Variants in YPEL1 observed in about 807,000 individuals in gnomAD.
YPEL1 encodes the protein protein yippee-like 1.
Under a neutral mutation model 17.3 loss-of-function variants are expected in YPEL1, and 7 were observed. That is an observed-to-expected ratio of 0.40 (90% CI 0.23 to 0.76). The LOEUF (loss-of-function observed/expected upper bound fraction) is 0.76, where lower values mean the gene tolerates loss of function less well. YPEL1 is among the 30% of genes least tolerant of loss of function. YPEL1 has a pLI of 0.35. For missense variants in YPEL1, 91 were observed against 155.5 expected (o/e 0.59, Z 2.21); for synonymous variants, 59 against 59.6 (o/e 0.99, Z 0.05).
chr22:21,700,989 C>T lies in YPEL1; in HGVS notation c.*140G>A, dbSNP rs532169227. 2.2e-5 allele frequency: 14 copies of T among 646,754 alleles called. No individual in the cohort carries two copies. The African/African-American group carries it at 2.2e-4, about 10-fold the overall frequency. 40.1% of individuals were successfully genotyped at this position (646,754 alleles called of 1,614,324 possible). A position where few individuals can be genotyped will look rare whatever the true frequency, so the allele number is the denominator to read the frequency against. On this transcript the variant is annotated 3_prime_UTR_variant, in exon 5 of 5. Coordinates refer to ENST00000339468, the MANE Select transcript of YPEL1 (RefSeq NM_013313.5). ...GGGACACCTTACCCACAGAGATGGC[C>T]GAGAGTGTCAAGAGCTATGCGCAGC...
Position 21,732,236 on chromosome 22 carries a change from A to G in YPEL1, c.-165+3379T>C, listed in dbSNP as rs138219002. ...AATCTATCTCGCACTGCTTGCTCCA[A>G]AAACCCTTAGCCCTCTATGTCTTGG... is the stretch of plus-strand genomic sequence containing the variant. On this transcript the variant is annotated intron_variant, in intron 1 of 4. Transcript: ENST00000339468. Among the ~76,000 whole-genome samples, 451 of 152,262 alleles carry G rather than the reference A, an allele frequency of 3.0e-3. 2 individuals are homozygous for G. The highest frequency in any genetic ancestry group is 0.011 in the African/African-American group (438 of 41,556).
chr22:21,726,102 G>A (rs1175787273), intron 1 of YPEL1, among the ~76,000 whole-genome samples: 1 of 152,184 alleles, frequency 6.6e-6, no homozygotes, highest in Non-Finnish European at 1.5e-5. Flanking sequence ...GCGGGCAGGG[G>A]CCGTGGGGTG....
intron 1 of YPEL1, among the ~76,000 whole-genome samples, chr22:21,719,967 G>A (rs1006464989): frequency 6.1e-5 from 9 of 147,722 alleles, no homozygotes; most frequent in Non-Finnish European, 1.2e-4. Flanking sequence ...AGCCAAGATC[G>A]CACCACTGCA....
chr22:21,707,551 T>C (rs2068126544), intron 2 of YPEL1, among the ~76,000 whole-genome samples: 1 of 152,222 alleles, frequency 6.6e-6, no homozygotes, highest in Non-Finnish European at 1.5e-5. Flanking sequence ...GCATTCAGGC[T>C]TAAAAATGAG....
chr22:21,725,862 G>A (rs1273741591), intron 1 of YPEL1, among the ~76,000 whole-genome samples: 3 of 151,840 alleles, frequency 2.0e-5, no homozygotes, highest in Admixed American at 6.6e-5. Context: ...AGCCGGGCAC[G>A]GTGGCACATG....
chr22:21,715,242 C>T (rs2068209598), intron 1 of YPEL1, among the ~76,000 whole-genome samples: 1 of 152,048 alleles, frequency 6.6e-6, no homozygotes, highest in South Asian at 2.1e-4. Context: ...CATCTGTAAT[C>T]CCAGCACTTT....
intron 1 of YPEL1, among the ~76,000 whole-genome samples, chr22:21,721,291 T>C (rs1383316802): frequency 6.6e-6 from 1 of 151,494 alleles, no homozygotes; most frequent in African/African-American, 2.4e-5. Flanking sequence ...TTTTTTTGTG[T>C]GTATTTTTAG....
intron 2 of YPEL1, among the ~76,000 whole-genome samples, chr22:21,704,869 C>A (rs1332293793): frequency 5.3e-5 from 8 of 152,164 alleles, no homozygotes; most frequent in Non-Finnish European, 8.8e-5. Context: ...GACCTTTGCC[C>A]TCACGGGACA....
rs552755973 is a variant in YPEL1 at position 21,699,283 on chromosome 22, T to G, written c.*1846A>C. On this transcript the variant is annotated 3_prime_UTR_variant, in exon 5 of 5. Transcript: ENST00000339468. ...TGTCTGAAGGCAGCTTCAGAGCCAC[T>G]TGCCAGGCTGAGAACTATCCGGGCT... 2 of 152,558 alleles carry G rather than the reference T, an allele frequency of 1.3e-5. No individual in the cohort carries two copies. The highest frequency in any genetic ancestry group is 3.8e-4 in the East Asian group (2 of 5,322). 9.5% of individuals were successfully genotyped at this position (152,558 alleles called of 1,614,324 possible).
At chr22:21,715,508 CAACA>C (rs370908004) in intron 1 of YPEL1, among the ~76,000 whole-genome samples, 49 of 150,934 alleles carry the variant, frequency 3.2e-4, no homozygotes, top group African/African-American at 5.6e-4. Context: ...AAAACAACAA[CAACA>C]AACAAACAAA....
At position 21,710,677 on chromosome 22, in the gene YPEL1, C is replaced by G; in HGVS notation, c.68G>C (p.Cys23Ser). Residue 23 changes from cysteine (C) to serine (S), a missense_variant, in exon 2 of 5, where the codon TGT becomes TCT. By Grantham distance (112) the Cys-to-Ser change is moderately radical. Coordinates refer to ENST00000339468, the MANE Select transcript of YPEL1 (RefSeq NM_013313.5). Reference protein sequence around the residue: ...YLPNCHRTYSCIHCRAHLANH... With the variant: ...YLPNCHRTYSSIHCRAHLANH... ...GGCCAGGTGTGCTCTGCAGTGGATA[C>G]AGCTGTACGTTCGGTGACAGTTCGG... 1 of 1,614,238 alleles carries G rather than the reference C, an allele frequency of 6.2e-7. No homozygotes were observed. The highest frequency in any genetic ancestry group is 1.1e-5 in the South Asian group (1 of 91,092).
chr22:21,725,021 C>T (rs533549251), intron 1 of YPEL1, among the ~76,000 whole-genome samples: 80 of 151,738 alleles, frequency 5.3e-4, no homozygotes, highest in Non-Finnish European at 8.5e-4. Context: ...GATTCTCCTG[C>T]CTCAGCCTCC....
intron 1 of YPEL1, among the ~76,000 whole-genome samples, chr22:21,713,233 C>G (rs1014666053): frequency 5.9e-5 from 9 of 152,152 alleles, no homozygotes; most frequent in Non-Finnish European, 1.3e-4. Context: ...TATAGAATTA[C>G]CATGGGCTCC....
At chr22:21,733,082 C>T (rs189911902) in intron 1 of YPEL1, among the ~76,000 whole-genome samples, 1 of 152,148 alleles carries the variant, frequency 6.6e-6, no homozygotes, top group Non-Finnish European at 1.5e-5. Context: ...TGCCACTGTA[C>T]CCCAGGCTTG....
intron 1 of YPEL1, among the ~76,000 whole-genome samples, chr22:21,716,894 G>T (rs962945002): frequency 1.3e-5 from 2 of 151,880 alleles, no homozygotes; most frequent in South Asian, 4.1e-4. Context: ...GGAGGGAACC[G>T]ATGAGCTTGA....
intron 1 of YPEL1, among the ~76,000 whole-genome samples, chr22:21,716,683 TC>T: frequency 6.6e-6 from 1 of 152,396 alleles, no homozygotes; most frequent in South Asian, 2.1e-4. Flanking sequence ...GGAGGAAGCA[TC>T]TTTATCCTAG....
chr22:21,703,549 GC>G lies in YPEL1; in HGVS notation c.162-72del. The G allele has an allele frequency of 1.4e-6, 2 of 1,399,336 alleles. No homozygotes were observed. Among genetic ancestry groups the G allele is most frequent in the Non-Finnish European group, 2.0e-6 (2 of 1,002,190 alleles). 86.7% of individuals were successfully genotyped at this position (1,399,336 alleles called of 1,614,324 possible). A position where few individuals can be genotyped will look rare whatever the true frequency, so the allele number is the denominator to read the frequency against. Reference sequence around the variant, plus strand: ...TGACCAGGCCCTGCCCCCTCAGCGGGCCCCACCCCATCCTCCTAAGAGTTCC... The same window carrying G: ...TGACCAGGCCCTGCCCCCTCAGCGGGCCCACCCCATCCTCCTAAGAGTTCC... On this transcript the variant is annotated intron_variant, in intron 3 of 4. Coordinates refer to ENST00000339468, the MANE Select transcript of YPEL1 (RefSeq NM_013313.5). The surrounding 1 kb of genome is among the most constrained non-coding windows in gnomAD (Gnocchi z 6.1).
chr22:21,734,225 GAAAC>G (rs980851650), intron 1 of YPEL1, among the ~76,000 whole-genome samples: 5 of 152,284 alleles, frequency 3.3e-5, no homozygotes, highest in South Asian at 4.1e-4. Context: ...CTCAAACAAA[GAAAC>G]AAACAGAGAA....
chr22:21,731,085 C>G (rs754405224), intron 1 of YPEL1, among the ~76,000 whole-genome samples: 2 of 152,036 alleles, frequency 1.3e-5, no homozygotes, highest in African/African-American at 2.4e-5. Flanking sequence ...TTGCTAACAA[C>G]AAGAAGAGGG....
Sources: allele counts gnomAD v4.1 joint callset (sites outside exome capture counted in the v4.1 genomes callset), GRCh38; gene constraint gnomAD v4.1.1; non-coding constraint Gnocchi (gnomAD v3.1); transcripts MANE v1.5; gene names NCBI Gene and HGNC (gene_info 2026-07-23, HGNC 2026-07-21).